SGCD: variants seen among roughly 807,000 people sequenced by gnomAD.
SGCD encodes sarcoglycan delta.
SGCD carries 18 observed loss-of-function variants against 36.6 expected under a neutral mutation model. The ratio of observed to expected loss-of-function variants is 0.49; its 90% CI spans 0.34 to 0.73. The LOEUF (loss-of-function observed/expected upper bound fraction) is 0.73, where lower values mean the gene tolerates loss of function less well. Among genes scored for constraint, SGCD ranks in the 30% least tolerant of loss-of-function variants. The pLI, the probability that SGCD is intolerant of heterozygous loss-of-function variation, is 0.01. For synonymous variants in SGCD, 133 were observed against 130.6 expected, an observed-to-expected ratio of 1.02 and a Z score of -0.12; for missense variants, 387 against 346.7, an observed-to-expected ratio of 1.12 and a Z score of -0.92.
chr5:156,220,365 G>A (rs910605554), intron 3 of SGCD, among the ~76,000 whole-genome samples: 1 of 152,084 alleles, frequency 6.6e-6, no homozygotes, highest in South Asian at 2.1e-4. Context: ...ATGCTATAAA[G>A]AATTCATTCA....
intron 3 of SGCD, among the ~76,000 whole-genome samples, chr5:156,351,002 T>C (rs1769222556): frequency 6.6e-6 from 1 of 152,182 alleles, no homozygotes; most frequent in Non-Finnish European, 1.5e-5. Context: ...GATCTGGCTC[T>C]TCAACAGAAT....
intron 7 of SGCD, among the ~76,000 whole-genome samples, chr5:156,702,468 T>C (rs1298140134): frequency 5.3e-5 from 8 of 152,108 alleles, no homozygotes; most frequent in Non-Finnish European, 1.2e-4. Context: ...TCCTCAAACA[T>C]ACTCAGGGCG....
rs565183268 is a variant in SGCD, at chr5:156,691,664, A to G, written c.575+44128A>G. Among the ~76,000 whole-genome samples the G allele has an allele frequency of 2.6e-3, 403 of 152,330 alleles. 2 individuals are homozygous for G. The highest frequency in any genetic ancestry group is 9.4e-3 in the African/African-American group (390 of 41,578). ...ATGAAGTATTCTTTTAATTTTAACC[A>G]TTAAAAAATGTAAAGCCCATGCTTA... On this transcript the variant is annotated intron_variant, in intron 7 of 8. Transcript: ENST00000337851.
intron 7 of SGCD, among the ~76,000 whole-genome samples, chr5:156,693,860 C>T (rs1754206604): frequency 6.6e-6 from 1 of 152,080 alleles, no homozygotes; most frequent in South Asian, 2.1e-4. Flanking sequence ...TTTCCTGGAC[C>T]CTCCTTTTAC....
intron 1 of SGCD, among the ~76,000 whole-genome samples, chr5:155,983,725 A>C (rs561368208): frequency 6.6e-6 from 1 of 152,366 alleles, no homozygotes; most frequent in African/African-American, 2.4e-5. Context: ...TAAATATATA[A>C]AAATTATATT....
At chr5:156,291,038 C>T (rs540082093) in intron 3 of SGCD, among the ~76,000 whole-genome samples, 1 of 152,246 alleles carries the variant, frequency 6.6e-6, no homozygotes, top group South Asian at 2.1e-4. Context: ...CCCTTGACAT[C>T]CACACGTTCT....
intron 3 of SGCD, among the ~76,000 whole-genome samples, chr5:156,361,637 TA>T (rs1769799191): frequency 6.6e-6 from 1 of 152,204 alleles, no homozygotes; most frequent in Admixed American, 6.5e-5. Flanking sequence ...AGCTCATGTT[TA>T]AAGGAATGAC....
chr5:155,912,408 T>TC (rs1756648577), intron 1 of SGCD, among the ~76,000 whole-genome samples: 1 of 152,126 alleles, frequency 6.6e-6, no homozygotes, highest in Non-Finnish European at 1.5e-5. Context: ...GAAAATGCCT[T>TC]CAACATTTTT....
the SGCD span, among the ~76,000 whole-genome samples, chr5:155,733,975 A>G: frequency 1.3e-5 from 2 of 151,670 alleles, no homozygotes; most frequent in South Asian, 2.1e-4. Context: ...GCTATGTGCC[A>G]GGTTCCATTT....
chr5:156,083,420 G>A (rs999587592), intron 1 of SGCD, among the ~76,000 whole-genome samples: 8 of 151,268 alleles, frequency 5.3e-5, no homozygotes, highest in African/African-American at 1.2e-4. Context: ...ACAGCCTCCC[G>A]AGTAGCTGGG....
chr5:156,220,566 G>A lies in SGCD; in HGVS notation c.-44+96547G>A, dbSNP rs565069716. 2.5e-3 allele frequency among the ~76,000 whole-genome samples: 377 copies of A among 152,266 alleles called. 2 individuals are homozygous for A. Among genetic ancestry groups the A allele is most frequent in the African/African-American group, 7.8e-3 (324 of 41,576 alleles). On this transcript the variant is annotated intron_variant, in intron 3 of 9. Coordinates refer to the SGCD transcript ENST00000517913. ...GTGATATAGATGTAATGACATAAGA[G>A]AAAATCTCTCATGGCCTCAGTCAAT...
At chr5:156,163,418 G>A (rs892453898) in intron 3 of SGCD, among the ~76,000 whole-genome samples, 1 of 151,544 alleles carries the variant, frequency 6.6e-6, no homozygotes, top group Non-Finnish European at 1.5e-5. Context: ...TTGTCTCAAA[G>A]TCCGTTAACA....
At chr5:155,875,026 T>A (rs1213872285) in intron 1 of SGCD, among the ~76,000 whole-genome samples, 1 of 151,994 alleles carries the variant, frequency 6.6e-6, no homozygotes, top group Admixed American at 6.6e-5. Flanking sequence ...CGGCAACAGA[T>A]GAATGGATAA....
chr5:156,579,419 C>T (rs116715841), intron 4 of SGCD, among the ~76,000 whole-genome samples: 1 of 152,176 alleles, frequency 6.6e-6, no homozygotes, highest in African/African-American at 2.4e-5. Flanking sequence ...CTGCAGGTCT[C>T]TTTCAGGTCC....
At chr5:156,313,338 G>C (rs942175945) in intron 3 of SGCD, among the ~76,000 whole-genome samples, 1 of 152,020 alleles carries the variant, frequency 6.6e-6, no homozygotes, top group Non-Finnish European at 1.5e-5. Context: ...ATTTGTACTT[G>C]ATTTCTCACC....
intron 7 of SGCD, among the ~76,000 whole-genome samples, chr5:156,670,903 C>G (rs187943200): frequency 1.2e-4 from 18 of 152,232 alleles, no homozygotes; most frequent in African/African-American, 4.3e-4. Context: ...CATTCATATA[C>G]AATCTTAGCC....
chr5:155,805,432 A>T, the SGCD span, among the ~76,000 whole-genome samples: 1 of 152,336 alleles, frequency 6.6e-6, no homozygotes, highest in East Asian at 1.9e-4. Context: ...TTCTGGTAGG[A>T]AAAGGTTTCT....
At chr5:156,393,134 C>A (rs1771670421) in intron 3 of SGCD, among the ~76,000 whole-genome samples, 1 of 152,210 alleles carries the variant, frequency 6.6e-6, no homozygotes, top group South Asian at 2.1e-4. Context: ...CCCTTCTCTT[C>A]TCAGCATTTC....
intron 4 of SGCD, among the ~76,000 whole-genome samples, chr5:156,581,355 C>A (rs1760248621): frequency 6.6e-6 from 1 of 152,178 alleles, no homozygotes; most frequent in Admixed American, 6.5e-5. Flanking sequence ...AGGTGTCTCC[C>A]AGTTAGGCTA....
Sources: gnomAD v4.1 joint callset for allele counts (sites outside exome capture counted in the v4.1 genomes callset) on GRCh38, gnomAD v4.1.1 for gene constraint, MANE v1.5 for transcripts, NCBI Gene and HGNC (gene_info 2026-07-23, HGNC 2026-07-21) for gene names.